RFTN1: variants seen among roughly 807,000 people sequenced by gnomAD.
The protein encoded by RFTN1 is raftlin, lipid raft linker 1, also known as raftlin.
A neutral mutation model predicts 46.5 loss-of-function variants in RFTN1; 26 were observed. The observed-to-expected ratio is 0.56, with a 90% CI of 0.41 to 0.78. The LOEUF (loss-of-function observed/expected upper bound fraction) is 0.78. Ranked by LOEUF, RFTN1 falls within the 30% of genes least tolerant of loss-of-function variation. RFTN1 has a pLI of 0.00. For synonymous variants in RFTN1, 261 were observed against 284.2 expected (o/e 0.92, Z 0.82); for missense variants, 693 against 718.7 (o/e 0.96, Z 0.41).
rs2071494195 is a variant in RFTN1, at chr3:16,344,265, A to G, written c.1146+13667T>C. 1.3e-5 allele frequency among the ~76,000 whole-genome samples: 2 copies of G among 152,128 alleles called. No individual in the cohort carries two copies. The highest frequency in any genetic ancestry group is 4.1e-4 in the South Asian group (2 of 4,822). ...ATATACTAAGAAGTAACAGATTGGA[A>G]GGGGTTTAAGAAGTCAGGGAAACCT... On this transcript the variant is annotated intron_variant, in intron 7 of 9. Transcript: ENST00000334133. The surrounding 1 kb of genome is among the most constrained non-coding windows in gnomAD (Gnocchi z 4.4).
intron 2 of RFTN1, chr3:16,472,251 G>T (rs1362823526): frequency 6.6e-6 from 1 of 151,992 alleles, no homozygotes; most frequent in Admixed American, 6.6e-5. Context: ...AAACAAACAG[G>T]TGTTGGGATG....
chr3:16,392,283 C>T (rs946088586), intron 4 of RFTN1, among the ~76,000 whole-genome samples: 1 of 152,130 alleles, frequency 6.6e-6, no homozygotes, highest in African/African-American at 2.4e-5. Flanking sequence ...TGAAACCTTC[C>T]AGTGTCAGGG....
rs1033512058 is a variant in RFTN1, at chr3:16,429,723, G to A, written c.332+4128C>T. Among the ~76,000 whole-genome samples the A allele has an allele frequency of 6.6e-6, 1 of 152,154 alleles. No homozygotes were observed. The highest frequency in any genetic ancestry group is 2.4e-5 in the African/African-American group (1 of 41,424). ...GATAAATGCAGGCTTGAGGGGTTCC[G>A]TCTGGTGTTTCTGGCATATCCCAAA... On this transcript the variant is annotated intron_variant, in intron 3 of 9. Transcript: ENST00000334133. The surrounding 1 kb of genome is among the most constrained non-coding windows in gnomAD (Gnocchi z 6.4).
chr3:16,330,899 G>A lies in RFTN1; in HGVS notation c.1147-4023C>T, dbSNP rs576155424. 7.2e-5 allele frequency among the ~76,000 whole-genome samples: 11 copies of A among 152,274 alleles called. No homozygotes were observed. The South Asian group carries it at 2.3e-3, about 32-fold the overall frequency. The stretch of plus-strand genomic sequence containing the variant: ...AGAAATAATTAGGAATTCATAAATT[G>A]GTCCAGTGAGAAAGTTTGCATTCTG... On this transcript the variant is annotated intron_variant, in intron 7 of 9. Transcript: ENST00000334133.
At chr3:16,510,875 A>G (rs1022390980) in intron 1 of RFTN1, among the ~76,000 whole-genome samples, 1 of 152,060 alleles carries the variant, frequency 6.6e-6, no homozygotes, top group Non-Finnish European at 1.5e-5. Flanking sequence ...GAAAGAAACT[A>G]GAAGAAAGAA....
Position 16,443,750 on chromosome 3 carries a change from A to AACACACACACACACACAC in RFTN1, c.146-9731_146-9714dup, listed in dbSNP as rs57242614. Among the ~76,000 whole-genome samples the AACACACACACACACACAC allele has an allele frequency of 1.4e-5, 2 of 145,936 alleles. No homozygotes were observed. Among genetic ancestry groups the AACACACACACACACACAC allele is most frequent in the South Asian group, 4.5e-4 (2 of 4,476 alleles). On this transcript the variant is annotated intron_variant, in intron 2 of 9. Transcript: ENST00000334133. The surrounding 1 kb of genome is among the most constrained non-coding windows in gnomAD (Gnocchi z 5.5). ...CACACATAGTCAATGAATTACACAC[A>AACACACACACACACACAC]ACACACACACACACACACACACACA... is the stretch of plus-strand genomic sequence containing the variant.
At chr3:16,372,215 T>C (rs1405887840) in intron 5 of RFTN1, among the ~76,000 whole-genome samples, 1 of 152,104 alleles carries the variant, frequency 6.6e-6, no homozygotes, top group East Asian at 1.9e-4. Flanking sequence ...ATGATGCCAG[T>C]GAATGAGTGC....
At chr3:16,371,582 C>T (rs150347581) in intron 5 of RFTN1, among the ~76,000 whole-genome samples, 70 of 152,380 alleles carry the variant, frequency 4.6e-4, no homozygotes, top group African/African-American at 1.6e-3. Flanking sequence ...CCTGAGCGAA[C>T]ACCAGCAGAG....
chr3:16,330,495 G>T (rs959148081), intron 7 of RFTN1, among the ~76,000 whole-genome samples: 1 of 152,194 alleles, frequency 6.6e-6, no homozygotes, highest in Non-Finnish European at 1.5e-5. Context: ...ACACTCCAGT[G>T]AGGAGAGAAG....
intron 3 of RFTN1, among the ~76,000 whole-genome samples, chr3:16,417,509 AC>A (rs1446163387): frequency 2.0e-5 from 3 of 152,206 alleles, no homozygotes; most frequent in Non-Finnish European, 2.9e-5. Flanking sequence ...TCGTTTCAGA[AC>A]ATGATAAAAG....
At chr3:16,323,045 TCCCCA>T (rs1443191487) in intron 9 of RFTN1, among the ~76,000 whole-genome samples, 2 of 152,146 alleles carry the variant, frequency 1.3e-5, no homozygotes, top group Admixed American at 6.5e-5. Context: ...GCTCGAGCCA[TCCCCA>T]CCCCATGGTC....
At chr3:16,454,031 C>G (rs1035630341) in intron 2 of RFTN1, among the ~76,000 whole-genome samples, 5 of 152,180 alleles carry the variant, frequency 3.3e-5, no homozygotes, top group African/African-American at 1.2e-4. Context: ...CAGGGGTGAA[C>G]AGGACATGAT....
chr3:16,482,730 A>G (rs1450995114), intron 2 of RFTN1: 3 of 1,516,696 alleles, frequency 2.0e-6, no homozygotes, highest in Non-Finnish European at 1.8e-6. Flanking sequence ...ACTGTTAACA[A>G]TGATTATATC....
rs1216224523 is a variant in RFTN1, at chr3:16,413,919, A to G, written c.333-4436T>C. The stretch of plus-strand genomic sequence containing the variant: ...TTCTGTGCTTCAGTTTCTTTCACTA[A>G]TGAATGGGATATTATACGGAGCTAC... On this transcript the variant is annotated intron_variant, in intron 3 of 9. Transcript: ENST00000334133. This position sits in a 1 kb window ranked among gnomAD's most constrained non-coding sequence, Gnocchi z 4.7. Among the ~76,000 whole-genome samples the G allele has an allele frequency of 6.6e-6, 1 of 152,200 alleles. No individual in the cohort carries two copies. The highest frequency in any genetic ancestry group is 1.5e-5 in the Non-Finnish European group (1 of 68,030).
intron 8 of RFTN1, among the ~76,000 whole-genome samples, chr3:16,325,022 C>T (rs6442596): frequency 0.88 from 133,623 of 152,164 alleles, 58,999 homozygotes; most frequent in African/African-American, 0.97. Context: ...CTATATCTCA[C>T]TGTGGTTTTA....
intron 4 of RFTN1, among the ~76,000 whole-genome samples, chr3:16,388,977 C>A (rs1024825207): frequency 2.0e-5 from 3 of 152,120 alleles, no homozygotes; most frequent in Admixed American, 2.0e-4. Flanking sequence ...TCATTGAACT[C>A]AAATCTCAGC....
Position 16,480,998 on chromosome 3 carries a change from G to GAC in RFTN1, c.145+12725_145+12726dup, listed in dbSNP as rs34945684. On this transcript the variant is annotated intron_variant, in intron 2 of 9. Transcript: ENST00000334133. This position sits in a 1 kb window ranked among gnomAD's most constrained non-coding sequence, Gnocchi z 4.3. ...ATATGCACATGCACACACACACACAGACACACACACACACACACACACACA... is the reference window on the plus strand; with the variant it reads ...ATATGCACATGCACACACACACACAGACACACACACACACACACACACACACA... Among the ~76,000 whole-genome samples the GAC allele has an allele frequency of 0.13, 19,301 of 145,602 alleles. 1,258 individuals are homozygous for GAC. Among genetic ancestry groups the GAC allele is most frequent in the Non-Finnish European group, 0.15 (10,200 of 66,304 alleles).
chr3:16,501,147 A>ACACACG (rs1441996514), intron 1 of RFTN1, among the ~76,000 whole-genome samples: 2 of 152,192 alleles, frequency 1.3e-5, no homozygotes, highest in Non-Finnish European at 2.9e-5. Flanking sequence ...AACAAAACAC[A>ACACACG]CACACGCACA....
rs902499181 is a variant in RFTN1, at chr3:16,320,031, G to T, written c.1333-2799C>A. On this transcript the variant is annotated intron_variant, in intron 9 of 9. Coordinates refer to ENST00000334133, the MANE Select transcript of RFTN1 (RefSeq NM_015150.2). This position sits in a 1 kb window ranked among gnomAD's most constrained non-coding sequence, Gnocchi z 4.5. Reference sequence around the variant, plus strand: ...GGTGTGTCACCAAATCCAATTAGCCGCCCAATTCAGAAATAACTGTCTAAA... The same window carrying T: ...GGTGTGTCACCAAATCCAATTAGCCTCCCAATTCAGAAATAACTGTCTAAA... Among the ~76,000 whole-genome samples, 2 of 152,198 alleles carry T rather than the reference G, an allele frequency of 1.3e-5. No individual in the cohort carries two copies. The highest frequency in any genetic ancestry group is 3.2e-3 in the Middle Eastern group (1 of 316).
Sources: gnomAD v4.1 joint callset for allele counts (sites outside exome capture counted in the v4.1 genomes callset) on GRCh38, gnomAD v4.1.1 for gene constraint, Gnocchi (gnomAD v3.1) non-coding constraint, MANE v1.5 for transcripts, NCBI Gene and HGNC (gene_info 2026-07-23, HGNC 2026-07-21) for gene names.